Variants in CLASP1 observed in about 807,000 individuals in gnomAD.
The protein encoded by CLASP1 is CLIP-associating protein 1.
Under a neutral mutation model 192.3 loss-of-function variants are expected in CLASP1, and 38 were observed. The observed-to-expected ratio is 0.20, with a 90% CI of 0.15 to 0.26. The LOEUF (loss-of-function observed/expected upper bound fraction) is 0.26. Among genes scored for constraint, CLASP1 ranks in the 10% least tolerant of loss-of-function variants. The pLI is 1.00. For missense variants in CLASP1, 1,433 were observed against 1,932.5 expected, an observed-to-expected ratio of 0.74 and a Z score of 4.85; for synonymous variants, 691 against 712.8, an observed-to-expected ratio of 0.97 and a Z score of 0.49.
chr2:121,580,592 T>C (rs2061017743), intron 2 of CLASP1, among the ~76,000 whole-genome samples: 1 of 152,222 alleles, frequency 6.6e-6, no homozygotes, highest in African/African-American at 2.4e-5. Flanking sequence ...GTCCCCCAAA[T>C]CACTGAAAAC....
intron 2 of CLASP1, among the ~76,000 whole-genome samples, chr2:121,562,826 A>G (rs542407642): frequency 8.1e-4 from 123 of 152,326 alleles, no homozygotes; most frequent in African/African-American, 2.8e-3. Flanking sequence ...TCTGGAAAGG[A>G]GGTCAGCTGT....
intron 34 of CLASP1, among the ~76,000 whole-genome samples, chr2:121,370,775 C>T (rs1182570540): frequency 6.6e-6 from 1 of 152,238 alleles, no homozygotes; most frequent in Non-Finnish European, 1.5e-5. Flanking sequence ...CCCCACTCCA[C>T]CTGTCCCTAG....
intron 2 of CLASP1, among the ~76,000 whole-genome samples, chr2:121,539,143 CAT>C (rs956875319): frequency 1.3e-5 from 2 of 152,114 alleles, no homozygotes; most frequent in African/African-American, 4.8e-5. Context: ...TAAACACAAA[CAT>C]ATATTTTTTT....
chr2:121,410,967 G>A, exon 24 of CLASP1: 10 of 1,587,820 alleles, frequency 6.3e-6, no homozygotes, highest in Non-Finnish European at 8.6e-6. Flanking sequence ...AGCCCAAACC[G>A]ATCTATTTAA....
At chr2:121,635,506 G>A (rs2070670137) in intron 1 of CLASP1, among the ~76,000 whole-genome samples, 1 of 151,974 alleles carries the variant, frequency 6.6e-6, no homozygotes, top group South Asian at 2.1e-4. Flanking sequence ...AAAAGCAAAG[G>A]CCAACCTTCA....
At position 121,492,343 on chromosome 2, in the gene CLASP1, C is replaced by T. The variant is rs2093348563; in HGVS notation, c.712+10824G>A. On this transcript the variant is annotated intron_variant, in intron 8 of 39. Coordinates refer to ENST00000263710, the Ensembl canonical transcript of CLASP1. ...GGCGGAGCTTGCAGTGAGCCGAGGT[C>T]GCACCAGTGTACTCCAGCCTGGGCG... Among the ~76,000 whole-genome samples the T allele has an allele frequency of 3.6e-5, 5 of 138,434 alleles. No individual in the cohort carries two copies. In the South Asian group the frequency reaches 9.3e-4, roughly 26 times the overall value. 90.8% of individuals were successfully genotyped at this position (138,434 alleles called of 152,430 possible).
intron 1 of CLASP1, among the ~76,000 whole-genome samples, chr2:121,624,940 G>A (rs1380307846): frequency 6.6e-6 from 1 of 152,116 alleles, no homozygotes; most frequent in African/African-American, 2.4e-5. Flanking sequence ...TTCAGTGTGT[G>A]TAGTTTAATT....
intron 2 of CLASP1, chr2:121,531,020 T>G (rs1559535810): frequency 1.0e-5 from 7 of 700,104 alleles, no homozygotes; most frequent in South Asian, 3.0e-5. Flanking sequence ...GAAAACCTGT[T>G]TTCATAGACT....
chr2:121,409,129 CA>C, intron 24 of CLASP1: 1 of 1,145,600 alleles, frequency 8.7e-7, no homozygotes, highest in Non-Finnish European at 1.3e-6. Context: ...GTTCTTGCAA[CA>C]AAAGTGTACA....
chr2:121,622,546 G>A (rs1312114482), intron 1 of CLASP1, among the ~76,000 whole-genome samples: 1 of 150,170 alleles, frequency 6.7e-6, no homozygotes, highest in Non-Finnish European at 1.5e-5. Flanking sequence ...TCCAGCGTGG[G>A]CGACGAGTGA....
At chr2:121,442,432 A>G (rs376681230) in intron 19 of CLASP1, among the ~76,000 whole-genome samples, 2 of 152,084 alleles carry the variant, frequency 1.3e-5, no homozygotes, top group African/African-American at 2.4e-5. Flanking sequence ...CTCAATTACT[A>G]TAGTAATAAA....
chr2:121,379,185 T>G lies in CLASP1; in HGVS notation c.3492-1536A>C, dbSNP rs553852421. 2.6e-5 allele frequency among the ~76,000 whole-genome samples: 4 copies of G among 151,742 alleles called. No homozygotes were observed. In the South Asian group the frequency reaches 6.3e-4, roughly 24 times the overall value. On this transcript the variant is annotated intron_variant, in intron 33 of 39. Transcript: ENST00000263710. ...AATATGGCCCAGATAAAACCCACCTTTCCTGATGAATGAATATTTGGAGAG... is the reference window on the plus strand; with the variant it reads ...AATATGGCCCAGATAAAACCCACCTGTCCTGATGAATGAATATTTGGAGAG...
At chr2:121,526,414 C>T (rs2094575368) in intron 5 of CLASP1, among the ~76,000 whole-genome samples, 1 of 152,256 alleles carries the variant, frequency 6.6e-6, no homozygotes, top group South Asian at 2.1e-4. Flanking sequence ...TACTGCCCTA[C>T]TGGGGCACAT....
intron 2 of CLASP1, among the ~76,000 whole-genome samples, chr2:121,584,636 T>A (rs943309769): frequency 2.6e-5 from 4 of 152,138 alleles, no homozygotes; most frequent in African/African-American, 9.7e-5. Context: ...AATTCTTTTT[T>A]TTTTCTGGAA....
At chr2:121,474,226 TA>T (rs1442288447) in intron 8 of CLASP1, among the ~76,000 whole-genome samples, 1 of 152,138 alleles carries the variant, frequency 6.6e-6, no homozygotes, top group Admixed American at 6.5e-5. Flanking sequence ...GTTGCTGTAC[TA>T]GATGACACAC....
At chr2:121,594,703 A>G (rs953731556) in intron 2 of CLASP1, among the ~76,000 whole-genome samples, 16 of 152,138 alleles carry the variant, frequency 1.1e-4, no homozygotes, top group Non-Finnish European at 1.6e-4. Context: ...TAGTCCATCA[A>G]TCTTAATCCT....
intron 1 of CLASP1, among the ~76,000 whole-genome samples, chr2:121,633,945 T>G (rs896586102): frequency 6.6e-6 from 1 of 151,174 alleles, no homozygotes; most frequent in African/African-American, 2.4e-5. Flanking sequence ...AGGCGGAGCT[T>G]GTAGTGAGCC....
chr2:121,391,967 T>G (rs1291357198), intron 30 of CLASP1, among the ~76,000 whole-genome samples: 1 of 152,230 alleles, frequency 6.6e-6, no homozygotes, highest in Non-Finnish European at 1.5e-5. Context: ...AGCTATTTGA[T>G]AGTAAAACCC....
rs1191348893 is a variant in CLASP1 at position 121,348,499 on chromosome 2, C to T, written c.4413+13G>A. The T allele has an allele frequency of 1.3e-6, 2 of 1,597,806 alleles. No homozygotes were observed. Among genetic ancestry groups the T allele is most frequent in the South Asian group, 2.3e-5 (2 of 88,788 alleles). On this transcript the variant is annotated intron_variant, in intron 38 of 39. Coordinates refer to ENST00000263710, the Ensembl canonical transcript of CLASP1. ...ACAGGCCGGGGGCAGGCCCCACCAA[C>T]ACGAGGGCCTACCTGCAGCAAGCCT...
Sources: allele counts gnomAD v4.1 joint callset (sites outside exome capture counted in the v4.1 genomes callset), GRCh38; gene constraint gnomAD v4.1.1; transcripts MANE v1.5; gene names NCBI Gene and HGNC (gene_info 2026-07-23, HGNC 2026-07-21).